The following FOXA1 variants were observed in gnomAD, a reference collection of about 807,000 sequenced individuals.
FOXA1 encodes the protein hepatocyte nuclear factor 3-alpha.
In FOXA1, 9 loss-of-function variants were observed where a neutral mutation model predicts 29.2. The ratio of observed to expected loss-of-function variants is 0.31; its 90% CI spans 0.19 to 0.54. FOXA1 has a LOEUF of 0.54. Ranked by LOEUF, FOXA1 falls within the 20% of genes least tolerant of loss-of-function variation. FOXA1 has a pLI of 0.95. For missense variants in FOXA1, 644 were observed against 681.2 expected, an observed-to-expected ratio of 0.95 and a Z score of 0.61; for synonymous variants, 340 against 300.9, an observed-to-expected ratio of 1.13 and a Z score of -1.34.
chr14:37,591,136 T>G lies in FOXA1; in HGVS notation c.*229A>C. 1 of 596,184 alleles carries G rather than the reference T, an allele frequency of 1.7e-6. No homozygotes were observed. The highest frequency in any genetic ancestry group is 2.9e-6 in the Non-Finnish European group (1 of 341,176). The allele number at this position is 596,184 out of a possible 1,614,324, so 36.9% of individuals were successfully genotyped here. A position where few individuals can be genotyped will look rare whatever the true frequency, so the allele number is the denominator to read the frequency against. On this transcript the variant is annotated 3_prime_UTR_variant, in exon 2 of 2. Coordinates refer to ENST00000250448, the MANE Select transcript of FOXA1 (RefSeq NM_004496.5). The stretch of plus-strand genomic sequence containing the variant: ...TCATTAAACTTCGCAGGAAAAAAAT[T>G]GGTTTGGGGTTGTCTTTGTAGTAAT...
In FOXA1 at chr14:37,589,579, C is replaced by T. The variant is rs1594975181; in HGVS notation, c.*1786G>A. Among the ~76,000 whole-genome samples the T allele has an allele frequency of 6.6e-6, 1 of 152,054 alleles. No individual in the cohort carries two copies. The highest frequency in any genetic ancestry group is 2.4e-5 in the African/African-American group (1 of 41,396). ...GGACACAACTTAATTCTATCAGCCA[C>T]AGCTGATATTTTATTTTCATTGGAA... is the stretch of plus-strand genomic sequence containing the variant. On this transcript the variant is annotated 3_prime_UTR_variant, in exon 2 of 2. Transcript: ENST00000250448.
Position 37,595,095 on chromosome 14 carries a change from A to C in FOXA1, c.-123T>G. Reference sequence around the variant, plus strand: ...TCACCCGAGCGCCCGCGCGGGCCCAACGCCACCCGGGCGAAGAGGAAGCCC... The same window carrying C: ...TCACCCGAGCGCCCGCGCGGGCCCACCGCCACCCGGGCGAAGAGGAAGCCC... On this transcript the variant is annotated 5_prime_UTR_variant, in exon 1 of 2. Coordinates refer to ENST00000250448, the MANE Select transcript of FOXA1 (RefSeq NM_004496.5). The C allele has an allele frequency of 1.5e-6, 1 of 677,998 alleles. No individual in the cohort carries two copies. The highest frequency in any genetic ancestry group is 2.1e-6 in the Non-Finnish European group (1 of 466,352). The allele number at this position is 677,998 out of a possible 1,614,324, so 42.0% of individuals were successfully genotyped here. A position where few individuals can be genotyped will look rare whatever the true frequency, so the allele number is the denominator to read the frequency against.
At chr14:37,593,091 A>C (rs927727841) in intron 1 of FOXA1, among the ~76,000 whole-genome samples, 5 of 152,142 alleles carry the variant, frequency 3.3e-5, no homozygotes, top group African/African-American at 1.2e-4. Context: ...CTTTGGGGGG[A>C]AATCGTTGAT....
In FOXA1 at chr14:37,589,602, G is replaced by T. The variant is rs1341834122; in HGVS notation, c.*1763C>A. Among the ~76,000 whole-genome samples the T allele has an allele frequency of 6.6e-6, 1 of 151,708 alleles. No homozygotes were observed. Among genetic ancestry groups the T allele is most frequent in the Non-Finnish European group, 1.5e-5 (1 of 67,978 alleles). ...CACAGCTGATATTTTATTTTCATTG[G>T]AAGAATTCTCAGATAAAGAAAAGTG... On this transcript the variant is annotated 3_prime_UTR_variant, in exon 2 of 2. Coordinates refer to ENST00000250448, the MANE Select transcript of FOXA1 (RefSeq NM_004496.5).
chr14:37,590,796 C>A lies in FOXA1; in HGVS notation c.*569G>T, dbSNP rs1006619082. On this transcript the variant is annotated 3_prime_UTR_variant, in exon 2 of 2. Coordinates refer to ENST00000250448, the MANE Select transcript of FOXA1 (RefSeq NM_004496.5). ...AATGTAAACTGAGAAGCAAATGGCTCTGATGTTTATAATCTGTTTATGTCT... is the reference window on the plus strand; with the variant it reads ...AATGTAAACTGAGAAGCAAATGGCTATGATGTTTATAATCTGTTTATGTCT... 1.2e-5 allele frequency: 3 copies of A among 241,276 alleles called. No individual in the cohort carries two copies. The highest frequency in any genetic ancestry group is 2.5e-5 in the Non-Finnish European group (3 of 122,286). 14.9% of individuals were successfully genotyped at this position (241,276 alleles called of 1,614,324 possible).
In FOXA1 at chr14:37,591,629, C is replaced by G. The variant is rs748980881; in HGVS notation, c.1155G>C (p.Gln385His). 6 of 1,603,586 alleles carry G rather than the reference C, an allele frequency of 3.7e-6. No homozygotes were observed. In the Admixed American group the frequency reaches 8.6e-5, roughly 23 times the overall value. The stretch of plus-strand genomic sequence containing the variant: ...AGTGGGGGTCCCCTTTCAGGTGCAG[C>G]TGGGACTCGTGGGGTGCCAAGCCGT... ...PAHGLAPHES[Q>H]LHLKGDPHYS... Residue 385 changes from glutamine to histidine, a missense_variant, in exon 2 of 2, where the codon CAG (glutamine) becomes CAC (histidine). Physicochemically the swap from Gln to His is conservative, Grantham distance 24. Around this residue, in one of 5 missense-constraint regions of FOXA1, gnomAD observed 295 missense variants for 294.4 expected, o/e 1.00. Transcript: ENST00000250448.
At position 37,591,662 on chromosome 14, in the gene FOXA1, G is replaced by A. The variant is rs2139180317; in HGVS notation, c.1122C>T (p.His374=). ...CGTGGGGTGCCAAGCCGTGTGCCGG[G>A]TGAGAGGCGGGCACAGAGGCCAGCG... ...PGALASVPAS[H]PAHGLAPHES... Residue 374 remains histidine (H), a synonymous_variant, in exon 2 of 2, where the codon CAC becomes CAT. Transcript: ENST00000250448. The A allele has an allele frequency of 6.3e-7, 1 of 1,593,658 alleles. No individual in the cohort carries two copies. The highest frequency in any genetic ancestry group is 8.5e-7 in the Non-Finnish European group (1 of 1,169,744).
Position 37,592,071 on chromosome 14 carries a change from G to T in FOXA1, c.713C>A (p.Pro238Gln), listed in dbSNP as rs1566824301. 2.5e-6 allele frequency: 4 copies of T among 1,610,466 alleles called. No individual in the cohort carries two copies. The highest frequency in any genetic ancestry group is 3.4e-6 in the Non-Finnish European group (4 of 1,178,120). The change falls in exon 2 of 2, where the codon CCG (proline) becomes CAG (glutamine). Residue 238 changes from proline to glutamine, a missense_variant. By Grantham distance (76) the Pro-to-Gln change is moderately conservative (BLOSUM62 -1). Transcript: ENST00000250448. ...FVKVARSPDKPGKGSYWTLHP... is the reference protein window; with the variant it reads ...FVKVARSPDKQGKGSYWTLHP... Reference sequence around the variant, plus strand: ...CAGCGTCCAGTAGGAGCCCTTGCCCGGCTTGTCCGGGGAGCGTGCCACCTT... The same window carrying T: ...CAGCGTCCAGTAGGAGCCCTTGCCCTGCTTGTCCGGGGAGCGTGCCACCTT...
At chr14:37,593,011 C>T (rs1433260986) in intron 1 of FOXA1, among the ~76,000 whole-genome samples, 1 of 152,192 alleles carries the variant, frequency 6.6e-6, no homozygotes, top group Non-Finnish European at 1.5e-5. Context: ...CCAGGGCCCC[C>T]TCATCGCCTC....
chr14:37,594,799 GGCCCGCCTGCCT>G (rs1423284319), intron 1 of FOXA1, 90 bp downstream of exon 1: 2 of 720,006 alleles, frequency 2.8e-6, no homozygotes, highest in African/African-American at 4.2e-5. Context: ...AGGCGCCCCC[GGCCCGCCTGCCT>G]GCCTTGCCTG....
Position 37,591,519 on chromosome 14 carries a change from T to C in FOXA1, c.1265A>G (p.Gln422Arg), listed in dbSNP as rs2095595451. ...QHKLDFKAYE[Q>R]ALQYSPYGST... ...GCCGTAAGGCGAGTATTGCAGTGCC[T>C]GTTCGTATGCCTTGAAGTCCAGCTT... The change falls in exon 2 of 2, where the codon CAG becomes CGG. Residue 422 changes from glutamine to arginine, a missense_variant. By Grantham distance (43) the Gln-to-Arg change is conservative. This residue lies in a region of FOXA1 where 295 missense variants were observed against 294.4 expected (regional missense o/e 1.00). Coordinates refer to ENST00000250448, the MANE Select transcript of FOXA1 (RefSeq NM_004496.5). 6.2e-7 allele frequency: 1 copy of C among 1,614,224 alleles called. No individual in the cohort carries two copies. Among genetic ancestry groups the C allele is most frequent in the Non-Finnish European group, 8.5e-7 (1 of 1,180,034 alleles).
In FOXA1 at chr14:37,592,027, T is replaced by C. The variant is rs1486264414; in HGVS notation, c.757A>G (p.Met253Val). ...CGCAAGTAGCAGCCGTTCTCGAACATGTTGCCGGAGTCCGGGTGCAGCGTC... is the reference window on the plus strand; with the variant it reads ...CGCAAGTAGCAGCCGTTCTCGAACACGTTGCCGGAGTCCGGGTGCAGCGTC... ...YWTLHPDSGN[M>V]FENGCYLRRQ... Residue 253 changes from methionine (M) to valine (V), a missense_variant, in exon 2 of 2, where the codon ATG (methionine) becomes GTG (valine). Physicochemically the swap from Met to Val is conservative, Grantham distance 21 (BLOSUM62 1). Transcript: ENST00000250448. 6.2e-7 allele frequency: 1 copy of C among 1,606,554 alleles called. No homozygotes were observed. The highest frequency in any genetic ancestry group is 8.5e-7 in the Non-Finnish European group (1 of 1,176,322).
At chr14:37,594,562 A>C (rs903760719) in intron 1 of FOXA1, 5 of 224,398 alleles carry the variant, frequency 2.2e-5, no homozygotes, top group Non-Finnish European at 3.8e-5. Context: ...TCCAACTCGC[A>C]CCGGCGCTCG....
At position 37,591,276 on chromosome 14, in the gene FOXA1, G is replaced by A. The variant is rs373922372; in HGVS notation, c.*89C>T. 4.0e-6 allele frequency: 6 copies of A among 1,483,494 alleles called. No homozygotes were observed. In the African/African-American group the frequency reaches 8.3e-5, roughly 20 times the overall value. The allele number at this position is 1,483,494 out of a possible 1,614,324, so 91.9% of individuals were successfully genotyped here. ...GTTGGGATTTTATTATGCTGTTGAC[G>A]GTTTGGTTTGTGTGGTTTTGTTTGC... On this transcript the variant is annotated 3_prime_UTR_variant, in exon 2 of 2. Coordinates refer to ENST00000250448, the MANE Select transcript of FOXA1 (RefSeq NM_004496.5).
Position 37,590,640 on chromosome 14 carries a change from CCTAT to C in FOXA1, c.*721_*724del, listed in dbSNP as rs566385575. The stretch of plus-strand genomic sequence containing the variant: ...TCTTGAGAATGTATCATGTATATCA[CCTAT>C]CTATTACCTCTATATGTTATGTAAA... On this transcript the variant is annotated 3_prime_UTR_variant, in exon 2 of 2. Transcript: ENST00000250448. 129 of 227,692 alleles carry C rather than the reference CCTAT, an allele frequency of 5.7e-4. No homozygotes were observed. Among genetic ancestry groups the C allele is most frequent in the South Asian group, 5.5e-3 (30 of 5,490 alleles). 14.1% of individuals were successfully genotyped at this position (227,692 alleles called of 1,614,324 possible).
In FOXA1 at chr14:37,591,949, C is replaced by G. The variant is rs1179754177; in HGVS notation, c.835G>C (p.Gly279Arg). The G allele has an allele frequency of 3.3e-6, 5 of 1,517,360 alleles. No homozygotes were observed. The highest frequency in any genetic ancestry group is 4.4e-6 in the Non-Finnish European group (5 of 1,135,860). 94.0% of individuals were successfully genotyped at this position (1,517,360 alleles called of 1,614,324 possible). ...GCGCCGCTGCCCCCGCTTCCGCTCCCGCCCCCGCCGCCGGCCCCCGGCTGC... is the reference window on the plus strand; with the variant it reads ...GCGCCGCTGCCCCCGCTTCCGCTCCGGCCCCCGCCGCCGGCCCCCGGCTGC... ...EKQPGAGGGGGSGSGGSGAKG... is the reference protein window; with the variant it reads ...EKQPGAGGGGRSGSGGSGAKG... The change falls in exon 2 of 2, where the codon GGG becomes CGG. Residue 279 changes from glycine to arginine, a missense_variant. Coordinates refer to ENST00000250448, the MANE Select transcript of FOXA1 (RefSeq NM_004496.5).
chr14:37,594,213 CTCCCTGTAACTGGTTT>C (rs1192908960), intron 1 of FOXA1: 38 of 1,282,770 alleles, frequency 3.0e-5, no homozygotes, highest in Non-Finnish European at 3.8e-5. Context: ...GGTGGTAGTC[CTCCCTGTAACTGGTTT>C]TCCCTGTAAT....
At chr14:37,594,409 A>C (rs1302796446) in intron 1 of FOXA1, 8 of 1,015,630 alleles carry the variant, frequency 7.9e-6, no homozygotes, top group African/African-American at 1.7e-5. Flanking sequence ...TTTGAAGAAC[A>C]AGTTTTACAA....
At position 37,591,828 on chromosome 14, in the gene FOXA1, T is replaced by A. The variant is rs2139180920; in HGVS notation, c.956A>T (p.Gln319Leu). The A allele has an allele frequency of 6.9e-6, 10 of 1,456,392 alleles. No homozygotes were observed. The highest frequency in any genetic ancestry group is 9.0e-6 in the Non-Finnish European group (10 of 1,109,160). The allele number at this position is 1,456,392 out of a possible 1,614,324, so 90.2% of individuals were successfully genotyped here. A position where few individuals can be genotyped will look rare whatever the true frequency, so the allele number is the denominator to read the frequency against. The change falls in exon 2 of 2, where the codon CAG (glutamine) becomes CTG (leucine). Residue 319 changes from glutamine (Q) to leucine (L), a missense_variant. Around this residue, in one of 5 missense-constraint regions of FOXA1, gnomAD observed 295 missense variants for 294.4 expected, o/e 1.00. Transcript: ENST00000250448. The stretch of plus-strand genomic sequence containing the variant: ...CCCGGGGGCCGGCGCGCCCTCTAGC[T>A]GGCCGGTCTTCCCGTGCACACCCCG... The part of the protein sequence containing the change: ...LHRGVHGKTG[Q>L]LEGAPAPGPA...
Sources: gnomAD v4.1 joint callset for allele counts (sites outside exome capture counted in the v4.1 genomes callset) on GRCh38, gnomAD v4.1.1 for gene constraint, gnomAD v4.1.1 regional missense constraint, MANE v1.5 for transcripts, NCBI Gene and HGNC (gene_info 2026-07-23, HGNC 2026-07-21) for gene names.